FRMD4B: variants seen among roughly 807,000 people sequenced by gnomAD.
The protein encoded by FRMD4B is FERM domain-containing protein 4B.
FRMD4B carries 74 observed loss-of-function variants against 141.5 expected under a neutral mutation model. The ratio of observed to expected loss-of-function variants is 0.52; its 90% CI spans 0.43 to 0.63. The LOEUF (loss-of-function observed/expected upper bound fraction) is 0.63, where lower values mean the gene tolerates loss of function less well. Ranked by LOEUF, FRMD4B falls within the 30% of genes least tolerant of loss-of-function variation. The pLI is 0.00. For synonymous variants in FRMD4B, 506 were observed against 467.9 expected (o/e 1.08, Z -1.05); for missense variants, 1,366 against 1,253.4 (o/e 1.09, Z -1.36).
intron 1 of FRMD4B, among the ~76,000 whole-genome samples, chr3:69,526,791 A>T (rs1010795143): frequency 1.3e-5 from 2 of 152,126 alleles, no homozygotes; most frequent in Admixed American, 6.5e-5. Flanking sequence ...AAATAAGGAA[A>T]CTGAAACTCA....
chr3:69,212,374 AAAAAAAGAAAAAAAAAAAG>A (rs1559721509), intron 11 of FRMD4B, among the ~76,000 whole-genome samples: 62 of 89,476 alleles, frequency 6.9e-4, no homozygotes, highest in East Asian at 3.3e-3. Context: ...AAAAAAAAAA[AAAAAAAGAAAAAAAAAAAG>A]AAAAAAAAGA....
chr3:69,222,045 GTAGA>G (rs940299276), intron 8 of FRMD4B, 122 bp from the exon 9 acceptor site: 1 of 665,000 alleles, frequency 1.5e-6, no homozygotes, highest in African/African-American at 1.8e-5. Context: ...AACTTGTTTG[GTAGA>G]TAGAGTTTGG....
chr3:69,432,290 T>C (rs1333567994), intron 2 of FRMD4B, among the ~76,000 whole-genome samples: 1 of 152,186 alleles, frequency 6.6e-6, no homozygotes, highest in Non-Finnish European at 1.5e-5. Context: ...CGTGTATAAA[T>C]ATTGGAAATA....
At chr3:69,425,670 T>A (rs987860177) in intron 2 of FRMD4B, among the ~76,000 whole-genome samples, 1 of 152,224 alleles carries the variant, frequency 6.6e-6, no homozygotes, top group Admixed American at 6.5e-5. Context: ...AATTCCCAAT[T>A]CATTCAATCC....
intron 11 of FRMD4B, among the ~76,000 whole-genome samples, chr3:69,214,980 A>G (rs2093125191): frequency 6.6e-6 from 1 of 151,952 alleles, no homozygotes. Flanking sequence ...CCCAGGTTCA[A>G]GCAATTTTCC....
At chr3:69,491,419 TA>T (rs1244877845) in intron 1 of FRMD4B, among the ~76,000 whole-genome samples, 1 of 152,000 alleles carries the variant, frequency 6.6e-6, no homozygotes, top group African/African-American at 2.4e-5. Context: ...TGTTTTAAAA[TA>T]AAAAAGCAAA....
At chr3:69,317,778 A>AT (rs1491121177) in intron 1 of FRMD4B, among the ~76,000 whole-genome samples, 3 of 147,442 alleles carry the variant, frequency 2.0e-5, no homozygotes, top group Non-Finnish European at 4.5e-5. Flanking sequence ...AAAAAAAAAA[A>AT]GGAGGCAAGA....
chr3:69,192,710 A>C (rs541826643), intron 17 of FRMD4B, among the ~76,000 whole-genome samples: 2 of 152,224 alleles, frequency 1.3e-5, no homozygotes, highest in East Asian at 1.9e-4. Flanking sequence ...TTGTGTGTGC[A>C]TATTTCTATA....
Position 69,487,227 on chromosome 3 carries a change from T to C in FRMD4B, c.-128-54466A>G, listed in dbSNP as rs77275516. Among the ~76,000 whole-genome samples, 6 of 152,330 alleles carry C rather than the reference T, an allele frequency of 3.9e-5. No individual in the cohort carries two copies. The East Asian group carries it at 5.8e-4, about 15-fold the overall frequency. The stretch of plus-strand genomic sequence containing the variant: ...TCTTTAAATGGCTGATCCCAGACTA[T>C]AGGCCTGAGTCTATAGTCCCCAGTA... On this transcript the variant is annotated intron_variant, in intron 1 of 5. Coordinates refer to the FRMD4B transcript ENST00000459638.
At chr3:69,452,321 G>A (rs758119971) in intron 1 of FRMD4B, among the ~76,000 whole-genome samples, 20 of 152,224 alleles carry the variant, frequency 1.3e-4, no homozygotes, top group Non-Finnish European at 5.9e-5. Flanking sequence ...AGAGGTGAAG[G>A]ATCAACAGGA....
chr3:69,364,636 T>A (rs1468025779), intron 1 of FRMD4B, among the ~76,000 whole-genome samples: 1 of 152,168 alleles, frequency 6.6e-6, no homozygotes, highest in Non-Finnish European at 1.5e-5. Context: ...TTCAATCATC[T>A]CCTGAGTAAT....
chr3:69,277,730 C>A (rs1303349324), intron 5 of FRMD4B, among the ~76,000 whole-genome samples: 2 of 151,926 alleles, frequency 1.3e-5, no homozygotes, highest in East Asian at 3.9e-4. Flanking sequence ...CCGGGTTTCA[C>A]CATATTGGCC....
At chr3:69,346,492 T>C (rs1486547964) in intron 1 of FRMD4B, among the ~76,000 whole-genome samples, 2 of 152,064 alleles carry the variant, frequency 1.3e-5, no homozygotes, top group South Asian at 2.1e-4. Context: ...GCCACAAAGA[T>C]ACTCCTCGAG....
In FRMD4B at chr3:69,225,722, AAAAAAAG is replaced by A. The variant is rs2107763316; in HGVS notation, c.582-1039_582-1033del. 2.6e-5 allele frequency among the ~76,000 whole-genome samples: 2 copies of A among 76,146 alleles called. 1 individual carries two copies. The highest frequency in any genetic ancestry group is 8.1e-5 in the African/African-American group (2 of 24,568). The allele number at this position is 76,146 out of a possible 152,430, so 50.0% of individuals were successfully genotyped here. A position where few individuals can be genotyped will look rare whatever the true frequency, so the allele number is the denominator to read the frequency against. On this transcript the variant is annotated intron_variant, in intron 7 of 22. Coordinates refer to ENST00000398540, the MANE Select transcript of FRMD4B (RefSeq NM_015123.3). ...AAAAAAAAAAAAAAAAAAAAAAAAA[AAAAAAAG>A]AGGGAGAACACGTAATACTACCCAG...
chr3:69,421,009 T>G (rs1288061381), intron 2 of FRMD4B, among the ~76,000 whole-genome samples: 3 of 152,082 alleles, frequency 2.0e-5, no homozygotes, highest in Admixed American at 1.3e-4. Flanking sequence ...TCCCACGCCC[T>G]CACTCCCCAT....
chr3:69,270,147 C>A (rs1354193216), intron 5 of FRMD4B, among the ~76,000 whole-genome samples: 3 of 152,198 alleles, frequency 2.0e-5, no homozygotes, highest in Non-Finnish European at 4.4e-5. Flanking sequence ...TACGGCGTAG[C>A]CAGGACTACA....
intron 8 of FRMD4B, among the ~76,000 whole-genome samples, chr3:69,222,736 A>G (rs1195848187): frequency 6.6e-6 from 1 of 152,160 alleles, no homozygotes; most frequent in East Asian, 1.9e-4. Flanking sequence ...GCGCCATTGC[A>G]CTCCAGCCTG....
chr3:69,206,141 C>A (rs2093022551), intron 11 of FRMD4B, among the ~76,000 whole-genome samples: 1 of 152,102 alleles, frequency 6.6e-6, no homozygotes, highest in Non-Finnish European at 1.5e-5. Context: ...TGTCTAAAGT[C>A]AGGAGTTCGA....
At chr3:69,495,093 G>A (rs1013484340) in intron 1 of FRMD4B, among the ~76,000 whole-genome samples, 5 of 152,240 alleles carry the variant, frequency 3.3e-5, no homozygotes, top group Non-Finnish European at 7.4e-5. Context: ...AGACTTGGTC[G>A]CAGCATCCAG....
Sources: gnomAD v4.1 joint callset for allele counts (sites outside exome capture counted in the v4.1 genomes callset) on GRCh38, gnomAD v4.1.1 for gene constraint, MANE v1.5 for transcripts, NCBI Gene and HGNC (gene_info 2026-07-23, HGNC 2026-07-21) for gene names.